The following PKIB variants were observed in gnomAD, a reference collection of about 807,000 sequenced individuals.
PKIB encodes PKI-beta.
PKIB carries 2 observed loss-of-function variants against 4.5 expected under a neutral mutation model. The observed-to-expected ratio is 0.44, with a 90% CI of 0.18 to 1.39. The LOEUF (loss-of-function observed/expected upper bound fraction) is 1.39, where lower values mean the gene tolerates loss of function less well. Ranked by LOEUF, PKIB falls within the 40% of genes most tolerant of loss-of-function variation. The pLI is 0.27. For missense variants in PKIB, 94 were observed against 92.6 expected (o/e 1.02, Z -0.06); for synonymous variants, 38 against 36.0 (o/e 1.06, Z -0.20).
At chr6:122,477,127 G>A (rs1352291544) in intron 1 of PKIB, among the ~76,000 whole-genome samples, 1 of 152,086 alleles carries the variant, frequency 6.6e-6, no homozygotes, top group African/African-American at 2.4e-5. Flanking sequence ...TTAATAGAAT[G>A]TTTTACATTA....
At position 122,487,092 on chromosome 6, in the gene PKIB, TA is replaced by T. The variant is rs376437630; in HGVS notation, c.-248+9157del. Among the ~76,000 whole-genome samples the T allele has an allele frequency of 3.1e-3, 470 of 152,322 alleles. 1 individual carries two copies. Among genetic ancestry groups the T allele is most frequent in the African/African-American group, 0.011 (448 of 41,584 alleles). ...GTACCAAAATCAGAAAATTAATAGG[TA>T]AAATGCTTCTTTCTACATTGAACAT... On this transcript the variant is annotated intron_variant, in intron 2 of 6. Transcript: ENST00000392491.
intron 2 of PKIB, among the ~76,000 whole-genome samples, chr6:122,638,140 G>A (rs1775995326): frequency 6.6e-6 from 1 of 152,210 alleles, no homozygotes; most frequent in South Asian, 2.1e-4. Context: ...GATGATACAA[G>A]AAAGTTTATT....
intron 2 of PKIB, among the ~76,000 whole-genome samples, chr6:122,541,840 C>T (rs1303349879): frequency 3.3e-5 from 5 of 151,792 alleles, no homozygotes; most frequent in Non-Finnish European, 7.4e-5. Context: ...TAGATTTGGT[C>T]TTTTCACATA....
intron 2 of PKIB, among the ~76,000 whole-genome samples, chr6:122,579,354 C>T (rs117585509): frequency 7.2e-4 from 110 of 152,230 alleles, no homozygotes; most frequent in Non-Finnish European, 1.5e-3. Context: ...ATCCCATATG[C>T]CCTAACCTAT....
chr6:122,572,653 CA>C (rs34754113), intron 2 of PKIB, among the ~76,000 whole-genome samples: 1,567 of 125,846 alleles, frequency 0.012, 22 homozygotes, highest in African/African-American at 0.037. Context: ...GAAATTGAAA[CA>C]AAAAAAAAAA....
At chr6:122,576,689 A>AAAAAAAATATATATATATAT (rs1345822382) in intron 2 of PKIB, among the ~76,000 whole-genome samples, 3 of 34,312 alleles carry the variant, frequency 8.7e-5, no homozygotes, top group Non-Finnish European at 1.4e-4. Context: ...AAAAAAAAAA[A>AAAAAAAATATATATATATAT]ATATATATAT....
Position 122,591,628 on chromosome 6 carries a change from A to G in PKIB, c.-161+5621A>G, listed in dbSNP as rs571301841. ...GTATGATGCTGAGCCAAATCTAAGC[A>G]TCTTTCATTTTGTAGAAATGTAACC... On this transcript the variant is annotated intron_variant, in intron 3 of 6. Transcript: ENST00000392491. Among the ~76,000 whole-genome samples the G allele has an allele frequency of 5.2e-4, 79 of 152,328 alleles. 2 individuals carry two copies. In the South Asian group the frequency reaches 0.014, roughly 27 times the overall value.
At chr6:122,611,251 C>A (rs1774741303) in intron 1 of PKIB, among the ~76,000 whole-genome samples, 1 of 152,192 alleles carries the variant, frequency 6.6e-6, no homozygotes, top group Non-Finnish European at 1.5e-5. Flanking sequence ...CATTTCGGAG[C>A]CAAATGACCC....
intron 1 of PKIB, among the ~76,000 whole-genome samples, chr6:122,622,832 G>A (rs572699497): frequency 2.0e-5 from 3 of 149,372 alleles, no homozygotes; most frequent in Non-Finnish European, 3.0e-5. Context: ...TTCTCTGAAC[G>A]TGCAAGTGAT....
At chr6:122,492,215 CAGA>C (rs1168207921) in intron 2 of PKIB, among the ~76,000 whole-genome samples, 1 of 152,116 alleles carries the variant, frequency 6.6e-6, no homozygotes, top group East Asian at 1.9e-4. Flanking sequence ...ATGCTAAACA[CAGA>C]AGGAGGAGTT....
intron 2 of PKIB, among the ~76,000 whole-genome samples, chr6:122,524,609 G>A (rs187225901): frequency 1.3e-5 from 2 of 151,962 alleles, no homozygotes; most frequent in South Asian, 2.1e-4. Flanking sequence ...CTTTTCCTGG[G>A]CTTCTCTTTA....
chr6:122,569,106 C>T (rs1773282109), intron 2 of PKIB, among the ~76,000 whole-genome samples: 1 of 152,182 alleles, frequency 6.6e-6, no homozygotes, highest in African/African-American at 2.4e-5. Context: ...CCTCATAGGG[C>T]CTGTGGCTAG....
chr6:122,485,883 T>C (rs1175634945), intron 2 of PKIB, among the ~76,000 whole-genome samples: 2 of 152,220 alleles, frequency 1.3e-5, no homozygotes, highest in Non-Finnish European at 2.9e-5. Context: ...TTTGTCTTTT[T>C]GCATGGAAGT....
In PKIB at chr6:122,496,484, C is replaced by T. The variant is rs574800912; in HGVS notation, c.-248+18545C>T. On this transcript the variant is annotated intron_variant, in intron 2 of 6. Coordinates refer to the PKIB transcript ENST00000392491. ...AAGATTTAAAATCAATACAAATACACTTCTAAAGTAATCCAGGAAACTAAG... is the reference window on the plus strand; with the variant it reads ...AAGATTTAAAATCAATACAAATACATTTCTAAAGTAATCCAGGAAACTAAG... 1.2e-4 allele frequency among the ~76,000 whole-genome samples: 19 copies of T among 152,238 alleles called. No individual in the cohort carries two copies. In the South Asian group the frequency reaches 3.9e-3, roughly 32 times the overall value.
chr6:122,647,410 C>G (rs911421877), intron 2 of PKIB, among the ~76,000 whole-genome samples: 2 of 152,220 alleles, frequency 1.3e-5, no homozygotes, highest in African/African-American at 4.8e-5. Flanking sequence ...TGAAGCTGAT[C>G]ACCACATCAC....
chr6:122,536,531 G>T (rs909034383), intron 2 of PKIB, among the ~76,000 whole-genome samples: 1 of 152,096 alleles, frequency 6.6e-6, no homozygotes, highest in Non-Finnish European at 1.5e-5. Context: ...TATTCTTTGG[G>T]TTTCTGACCA....
intron 3 of PKIB, among the ~76,000 whole-genome samples, chr6:122,712,919 A>T (rs192284392): frequency 6.6e-6 from 1 of 152,240 alleles, no homozygotes; most frequent in East Asian, 1.9e-4. Context: ...ACATACTAAC[A>T]TCCTCTTTTT....
chr6:122,512,043 A>G (rs901558776), intron 2 of PKIB, among the ~76,000 whole-genome samples: 9 of 152,140 alleles, frequency 5.9e-5, no homozygotes, highest in African/African-American at 2.2e-4. Flanking sequence ...TTATTGTCCC[A>G]TATTTTTAGG....
intron 4 of PKIB, among the ~76,000 whole-genome samples, chr6:122,721,671 A>G (rs1779750302): frequency 6.6e-6 from 1 of 152,128 alleles, no homozygotes; most frequent in Non-Finnish European, 1.5e-5. Context: ...AAAATAGACT[A>G]TTATATCTGA....
Sources: gnomAD v4.1 joint callset for allele counts (sites outside exome capture counted in the v4.1 genomes callset) on GRCh38, gnomAD v4.1.1 for gene constraint, MANE v1.5 for transcripts, NCBI Gene and HGNC (gene_info 2026-07-23, HGNC 2026-07-21) for gene names.